The following NAALADL2 variants were observed in gnomAD, a reference collection of about 807,000 sequenced individuals.
NAALADL2 encodes the protein N-acetylated alpha-linked acidic dipeptidase like 2.
Under a neutral mutation model 87.2 loss-of-function variants are expected in NAALADL2, and 76 were observed. That is an observed-to-expected ratio of 0.87 (90% confidence interval 0.72 to 1.05). The LOEUF (loss-of-function observed/expected upper bound fraction) is 1.05, where lower values mean the gene tolerates loss of function less well. NAALADL2 is among the 50% of genes least tolerant of loss of function. The pLI is 0.00. For synonymous variants in NAALADL2, 354 were observed against 331.0 expected (o/e 1.07, Z -0.75); for missense variants, 1,089 against 945.8 (o/e 1.15, Z -1.99).
intron 9 of NAALADL2, among the ~76,000 whole-genome samples, chr3:175,534,276 A>G (rs937400811): frequency 1.3e-5 from 2 of 152,038 alleles, no homozygotes; most frequent in African/African-American, 4.8e-5. Flanking sequence ...ACAATAGAAT[A>G]GATAGATGGA....
At chr3:174,796,489 T>G (rs1014423520) in intron 3 of NAALADL2, among the ~76,000 whole-genome samples, 2 of 152,128 alleles carry the variant, frequency 1.3e-5, no homozygotes, top group African/African-American at 4.8e-5. Context: ...GGCTTTCTGT[T>G]TCTGAGTTGT....
At chr3:175,766,842 G>A (rs918483609) in intron 13 of NAALADL2, among the ~76,000 whole-genome samples, 1 of 152,018 alleles carries the variant, frequency 6.6e-6, no homozygotes, top group Non-Finnish European at 1.5e-5. Flanking sequence ...GAATCATTTT[G>A]CACTTGACAT....
At chr3:174,916,695 G>A (rs138713328) in intron 1 of NAALADL2, among the ~76,000 whole-genome samples, 23 of 152,056 alleles carry the variant, frequency 1.5e-4, no homozygotes, top group African/African-American at 5.1e-4. Context: ...GTGATATAAT[G>A]GACTTTGGGG....
At chr3:174,743,428 A>G (rs1208855969) in intron 3 of NAALADL2, among the ~76,000 whole-genome samples, 1 of 151,858 alleles carries the variant, frequency 6.6e-6, no homozygotes, top group Non-Finnish European at 1.5e-5. Flanking sequence ...ATTCCAAATA[A>G]AATTATAGTT....
At chr3:175,135,962 T>G (rs1729051712) in intron 2 of NAALADL2, among the ~76,000 whole-genome samples, 3 of 152,258 alleles carry the variant, frequency 2.0e-5, no homozygotes, top group Admixed American at 2.0e-4. Context: ...AGAAGACTAA[T>G]GTAAATTATA....
In NAALADL2 at chr3:175,463,459, T is replaced by C. The variant is rs1445615231; in HGVS notation, c.1293T>C (p.Asn431=). 1 of 1,600,090 alleles carries C rather than the reference T, an allele frequency of 6.2e-7. No individual in the cohort carries two copies. The highest frequency in any genetic ancestry group is 2.2e-5 in the East Asian group (1 of 44,474). Reference sequence around the variant, plus strand: ...TCACAAAATTGAAAACAGTTACTAATGTTGTTGGATTTGTAATGGGCTTGA... The same window carrying C: ...TCACAAAATTGAAAACAGTTACTAACGTTGTTGGATTTGTAATGGGCTTGA... ...QTVTKLKTVT[N]VVGFVMGLTS... Residue 431 remains asparagine, a synonymous_variant, in exon 7 of 14, where the codon AAT becomes AAC. Coordinates refer to ENST00000454872, the MANE Select transcript of NAALADL2 (RefSeq NM_207015.3).
chr3:174,572,112 C>T (rs1466193479), intron 2 of NAALADL2, among the ~76,000 whole-genome samples: 3 of 151,998 alleles, frequency 2.0e-5, no homozygotes, highest in African/African-American at 7.2e-5. Context: ...TTTCCTCTTT[C>T]TCTTCTTCTT....
intron 3 of NAALADL2, among the ~76,000 whole-genome samples, chr3:174,777,838 ATCT>A (rs1560216669): frequency 1.3e-5 from 2 of 152,056 alleles, no homozygotes; most frequent in African/African-American, 4.8e-5. Flanking sequence ...ACCATCCTCT[ATCT>A]TCATGGTTCA....
chr3:175,126,522 GAT>G (rs1286065788), intron 2 of NAALADL2, among the ~76,000 whole-genome samples: 1 of 152,086 alleles, frequency 6.6e-6, no homozygotes, highest in Middle Eastern at 3.4e-3. Flanking sequence ...TTAGTTCCAA[GAT>G]ATGTTAAAGG....
chr3:174,532,927 CCTCCTTTT>C (rs1025147528), intron 1 of NAALADL2, among the ~76,000 whole-genome samples: 16 of 151,548 alleles, frequency 1.1e-4, no homozygotes, highest in Non-Finnish European at 8.8e-5. Flanking sequence ...ATAGTACCCC[CCTCCTTTT>C]CTCCTTTTCT....
intron 1 of NAALADL2, among the ~76,000 whole-genome samples, chr3:174,983,530 A>G (rs1745414089): frequency 6.6e-6 from 1 of 152,190 alleles, no homozygotes; most frequent in Non-Finnish European, 1.5e-5. Flanking sequence ...GAAGTTCAAG[A>G]TCAAGGAGCC....
intron 9 of NAALADL2, among the ~76,000 whole-genome samples, chr3:175,503,639 T>C (rs1729862359): frequency 6.6e-6 from 1 of 152,166 alleles, no homozygotes; most frequent in South Asian, 2.1e-4. Context: ...TGGTATGAGA[T>C]GGTATCTCAT....
chr3:175,644,771 G>T (rs540270489), intron 11 of NAALADL2, among the ~76,000 whole-genome samples: 8 of 151,970 alleles, frequency 5.3e-5, no homozygotes, highest in Non-Finnish European at 7.4e-5. Flanking sequence ...TCCACAAAAG[G>T]CTTGCTGAGA....
At chr3:175,627,778 T>A (rs2149716861) in intron 11 of NAALADL2, among the ~76,000 whole-genome samples, 1 of 151,776 alleles carries the variant, frequency 6.6e-6, no homozygotes, top group East Asian at 1.9e-4. Flanking sequence ...GCTGATAACA[T>A]GGAAAGCACT....
intron 2 of NAALADL2, among the ~76,000 whole-genome samples, chr3:175,108,944 C>T (rs147823917): frequency 6.6e-6 from 1 of 151,500 alleles, no homozygotes; most frequent in African/African-American, 2.4e-5. Context: ...GATTTTTTTT[C>T]TTCATCCTGT....
At chr3:174,641,565 A>T (rs1723188361) in intron 2 of NAALADL2, among the ~76,000 whole-genome samples, 1 of 152,128 alleles carries the variant, frequency 6.6e-6, no homozygotes, top group Admixed American at 6.5e-5. Flanking sequence ...TGGTGGAGTG[A>T]CGCTGGGAAT....
chr3:174,963,734 A>T (rs1206342593), intron 1 of NAALADL2, among the ~76,000 whole-genome samples: 1 of 152,178 alleles, frequency 6.6e-6, no homozygotes, highest in Non-Finnish European at 1.5e-5. Flanking sequence ...AAAATGTTAG[A>T]CAACTGAAAA....
intron 11 of NAALADL2, among the ~76,000 whole-genome samples, chr3:175,711,477 A>G (rs1317756856): frequency 6.6e-6 from 1 of 151,872 alleles, no homozygotes; most frequent in East Asian, 1.9e-4. Context: ...ATATGTCTTA[A>G]TCAGTCTGAT....
chr3:175,696,593 T>C (rs1364345879), intron 11 of NAALADL2, among the ~76,000 whole-genome samples: 1 of 151,896 alleles, frequency 6.6e-6, no homozygotes, highest in Non-Finnish European at 1.5e-5. Context: ...GTTTGTGAGA[T>C]GTGAAAGATT....
Sources: gnomAD v4.1 joint callset for allele counts (sites outside exome capture counted in the v4.1 genomes callset) on GRCh38, gnomAD v4.1.1 for gene constraint, MANE v1.5 for transcripts, NCBI Gene and HGNC (gene_info 2026-07-23, HGNC 2026-07-21) for gene names.